The following KLF10 variants were observed in gnomAD, a reference collection of about 807,000 sequenced individuals.
KLF10 encodes KLF transcription factor 10, also known as Krueppel-like factor 10.
KLF10 carries 17 observed loss-of-function variants against 31.6 expected under a neutral mutation model. The ratio of observed to expected loss-of-function variants is 0.54; its 90% CI spans 0.37 to 0.81. The LOEUF (loss-of-function observed/expected upper bound fraction) is 0.81. Ranked by LOEUF, KLF10 falls within the 30% of genes least tolerant of loss-of-function variation. The pLI is 0.00. For missense variants in KLF10, 525 were observed against 598.1 expected (o/e 0.88, Z 1.27); for synonymous variants, 239 against 215.1 (o/e 1.11, Z -0.97).
At chr8:102,653,390 T>C in intron 1 of KLF10, 2 of 1,196,684 alleles carry the variant, frequency 1.7e-6, no homozygotes, top group Non-Finnish European at 1.2e-6. Flanking sequence ...CAGCACAGGT[T>C]TTGCACTTAT....
chr8:102,653,592 C>A (rs1587835445), intron 1 of KLF10: 2 of 1,380,620 alleles, frequency 1.4e-6, no homozygotes, highest in Non-Finnish European at 1.9e-6. Flanking sequence ...ACTAGTTTTT[C>A]AAAAATGCAT....
Position 102,651,996 on chromosome 8 carries a change from T to C in KLF10, c.336A>G (p.Pro112=), listed in dbSNP as rs781021822. ...ACTTGAAGTGTACAGTAGATGGCGC[T>C]GGTGCCATCAGATTTGACACTTGAG... ...EPSQVSNLMA[P]APSTVHFKSL... is the part of the protein sequence containing the mutation. Residue 112 remains proline, a synonymous_variant, in exon 3 of 4, where the codon CCA becomes CCG. Coordinates refer to ENST00000285407, the MANE Select transcript of KLF10 (RefSeq NM_005655.4). 2 of 1,613,814 alleles carry C rather than the reference T, an allele frequency of 1.2e-6. No individual in the cohort carries two copies. Among genetic ancestry groups the C allele is most frequent in the Non-Finnish European group, 1.7e-6 (2 of 1,179,898 alleles).
At chr8:102,654,366 C>T (rs1453351390) in intron 1 of KLF10, 1 of 150,466 alleles carries the variant, frequency 6.6e-6, no homozygotes, top group African/African-American at 2.4e-5. Flanking sequence ...CCGCCGTTCC[C>T]TTAGGAACCG....
intron 1 of KLF10, chr8:102,653,831 G>C: frequency 1.5e-5 from 15 of 1,019,284 alleles, no homozygotes; most frequent in Non-Finnish European, 1.8e-5. Context: ...GGGAGGAAAG[G>C]GAGTGGGGCG....
intron 1 of KLF10, chr8:102,654,381 C>A (rs978183665): frequency 1.3e-5 from 2 of 150,788 alleles, no homozygotes; most frequent in East Asian, 4.0e-4. Context: ...GAACCGACAG[C>A]GGGGCCGGGC....
intron 3 of KLF10, 37 bp from the exon 4 acceptor site, chr8:102,650,428 G>C: frequency 6.3e-7 from 1 of 1,587,616 alleles, no homozygotes; most frequent in South Asian, 1.1e-5. Context: ...TTATGCATAA[G>C]ATTGCCGTAA....
Position 102,652,237 on chromosome 8 carries a change from G to GT in KLF10, c.196dup (p.Thr66AsnfsTer5). The stretch of plus-strand genomic sequence containing the variant: ...TTCCTCTGACAAATCAGATACTGGT[G>GT]TAACAGGTCTGTTTTCAACGTATTT... On this transcript the variant is annotated frameshift_variant, in exon 2 of 4. Transcript: ENST00000285407. LOFTEE classifies it high-confidence loss of function. 1 of 1,613,164 alleles carries GT rather than the reference G, an allele frequency of 6.2e-7. No homozygotes were observed. Among genetic ancestry groups the GT allele is most frequent in the Non-Finnish European group, 8.5e-7 (1 of 1,179,396 alleles).
chr8:102,655,710 G>C lies in KLF10; in HGVS notation c.-109C>G. 2 of 1,293,380 alleles carry C rather than the reference G, an allele frequency of 1.5e-6. No homozygotes were observed. Among genetic ancestry groups the C allele is most frequent in the Non-Finnish European group, 2.2e-6 (2 of 912,964 alleles). 80.1% of individuals were successfully genotyped at this position (1,293,380 alleles called of 1,614,324 possible). On this transcript the variant is annotated 5_prime_UTR_variant, in exon 1 of 4. Transcript: ENST00000285407. The stretch of plus-strand genomic sequence containing the variant: ...TCGACGCCGCTCCCGCCGCCGCCGC[G>C]CTCAGCGCCGTCTGCCCCCTCCCCA...
At chr8:102,650,425 T>C in intron 3 of KLF10, 34 bp from the exon 4 acceptor site, 1 of 1,591,554 alleles carries the variant, frequency 6.3e-7, no homozygotes, top group East Asian at 2.2e-5. Context: ...TTATTATGCA[T>C]AAGATTGCCG....
chr8:102,655,503 C>T, intron 1 of KLF10, 63 bp downstream of exon 1: 1 of 1,599,888 alleles, frequency 6.3e-7, no homozygotes, highest in Non-Finnish European at 8.6e-7. Flanking sequence ...GGGGTTCGCG[C>T]CCCCTTTGGC....
In KLF10 at chr8:102,655,682, C is replaced by G. The variant is rs936267746; in HGVS notation, c.-81G>C. On this transcript the variant is annotated 5_prime_UTR_variant, in exon 1 of 4. Transcript: ENST00000285407. ...TTGGCCACAGACGGGCGCACGGAGA[C>G]ACTCGACGCCGCTCCCGCCGCCGCC... 6.6e-7 allele frequency: 1 copy of G among 1,514,618 alleles called. No individual in the cohort carries two copies. Among genetic ancestry groups the G allele is most frequent in the East Asian group, 2.3e-5 (1 of 42,596 alleles). The allele number at this position is 1,514,618 out of a possible 1,614,324, so 93.8% of individuals were successfully genotyped here.
intron 1 of KLF10, 34 bp from the exon 2 acceptor site, chr8:102,652,431 ATT>A (rs552041255): frequency 2.6e-5 from 33 of 1,260,604 alleles, no homozygotes; most frequent in Non-Finnish European, 3.6e-5. Flanking sequence ...TTATAAGCAT[ATT>A]TTTTGTCATC....
intron 1 of KLF10, chr8:102,653,743 GCAAAAA>G (rs1827277617): frequency 1.7e-6 from 2 of 1,148,072 alleles, no homozygotes; most frequent in East Asian, 8.4e-5. Flanking sequence ...AGACGCCAAT[GCAAAAA>G]AAGGAAAAAA....
At chr8:102,653,726 A>C (rs1031209421) in intron 1 of KLF10, 7 of 1,189,730 alleles carry the variant, frequency 5.9e-6, no homozygotes, top group African/African-American at 3.2e-5. Flanking sequence ...TGTGTGTAAC[A>C]GCCCCAAGAC....
In KLF10 at chr8:102,651,731, G is replaced by T; in HGVS notation, c.601C>A (p.Pro201Thr). 1 of 1,614,240 alleles carries T rather than the reference G, an allele frequency of 6.2e-7. No individual in the cohort carries two copies. Among genetic ancestry groups the T allele is most frequent in the Non-Finnish European group, 8.5e-7 (1 of 1,180,040 alleles). Residue 201 changes from proline (P) to threonine (T), a missense_variant, in exon 3 of 4, where the codon CCA (proline) becomes ACA (threonine). Pro to Thr is a conservative substitution (Grantham distance 38). Coordinates refer to ENST00000285407, the MANE Select transcript of KLF10 (RefSeq NM_005655.4). ...CTGTTTGGTGACACAGCGGCACATG[G>T]TATGTTCTTTCTTGCAGCCTCAACA... ...LNVEAARKNIPCAAVSPNRSK... is the reference protein window; with the variant it reads ...LNVEAARKNITCAAVSPNRSK...
chr8:102,653,504 C>T, intron 1 of KLF10: 1 of 1,537,494 alleles, frequency 6.5e-7, no homozygotes, highest in Non-Finnish European at 8.7e-7. Flanking sequence ...GAAAACTGTC[C>T]AGACTCGTTT....
At position 102,655,572 on chromosome 8, in the gene KLF10, C is replaced by G. The variant is rs145058458; in HGVS notation, c.30G>C (p.Gln10His). 3,789 of 1,614,192 alleles carry G rather than the reference C, an allele frequency of 2.3e-3. 6 individuals are homozygous for G. Among genetic ancestry groups the G allele is most frequent in the Non-Finnish European group, 2.9e-3 (3,454 of 1,180,008 alleles). The change falls in exon 1 of 4, where the codon CAG becomes CAC. Residue 10 changes from glutamine to histidine, a missense_variant. Gln to His is a conservative substitution (Grantham distance 24, BLOSUM62 0). Around this residue, in one of 3 missense-constraint regions of KLF10, gnomAD observed 434 missense variants for 450.7 expected, o/e 0.96. Coordinates refer to ENST00000285407, the MANE Select transcript of KLF10 (RefSeq NM_005655.4). Reference protein sequence around the residue: MLNFGASLQQTAEERMEMIS... With the variant: MLNFGASLQHTAEERMEMIS... ...GCATCCCCAAATGACTTACCGCAGT[C>G]TGCTGGAGAGAGGCACCGAAGTTGA... is the stretch of plus-strand genomic sequence containing the variant.
chr8:102,650,514 CAAAT>C (rs1827181166), intron 3 of KLF10, 123 bp from the exon 4 acceptor site: 3 of 998,288 alleles, frequency 3.0e-6, no homozygotes, highest in Non-Finnish European at 4.3e-6. Flanking sequence ...ATCAAACTGT[CAAAT>C]GAATATGAGA....
Position 102,651,637 on chromosome 8 carries a change from GAA to G in KLF10, c.693_694del (p.Ser232CysfsTer130). The G allele has an allele frequency of 6.2e-7, 1 of 1,614,258 alleles. No individual in the cohort carries two copies. Among genetic ancestry groups the G allele is most frequent in the Non-Finnish European group, 8.5e-7 (1 of 1,180,050 alleles). On this transcript the variant is annotated frameshift_variant, in exon 3 of 4. Coordinates refer to ENST00000285407, the MANE Select transcript of KLF10 (RefSeq NM_005655.4). LOFTEE classifies it high-confidence loss of function. ...GATGACCGTCTCTGAGGAAGGCACA[GAA>G]AAGTCATAAAGTGCAGCACTTGCTT...
Sources: allele counts gnomAD v4.1 joint callset, GRCh38; gene constraint gnomAD v4.1.1; regional missense constraint gnomAD v4.1.1; transcripts MANE v1.5; gene names NCBI Gene and HGNC (gene_info 2026-07-23, HGNC 2026-07-21).